Variants in NECTIN3 observed in about 807,000 individuals in gnomAD.
The protein encoded by NECTIN3 is nectin cell adhesion molecule 3.
A neutral mutation model predicts 49.4 loss-of-function variants in NECTIN3; 8 were observed. The observed-to-expected ratio is 0.16, with a 90% CI of 0.10 to 0.29. NECTIN3 has a LOEUF of 0.29. Among genes scored for constraint, NECTIN3 ranks in the 10% least tolerant of loss-of-function variants. The pLI is 1.00. For synonymous variants in NECTIN3, 277 were observed against 241.1 expected, an observed-to-expected ratio of 1.15 and a Z score of -1.38; for missense variants, 581 against 654.6, an observed-to-expected ratio of 0.89 and a Z score of 1.23.
chr3:111,136,806 TATAATG>T lies in NECTIN3; in HGVS notation c.*2593_*2598del. 2 of 942,298 alleles carry T rather than the reference TATAATG, an allele frequency of 2.1e-6. No individual in the cohort carries two copies. The highest frequency in any genetic ancestry group is 2.5e-6 in the Non-Finnish European group (2 of 790,998). The allele number at this position is 942,298 out of a possible 1,614,324, so 58.4% of individuals were successfully genotyped here. A position where few individuals can be genotyped will look rare whatever the true frequency, so the allele number is the denominator to read the frequency against. ...CATACTGGTTAAAATATTTCAATGA[TATAATG>T]AAGATGAATGCAACTCTTATTTTTC... On this transcript the variant is annotated 3_prime_UTR_variant, in exon 6 of 6. Coordinates refer to ENST00000485303, the MANE Select transcript of NECTIN3 (RefSeq NM_015480.3).
At chr3:111,116,902 T>C (rs1044910681) in intron 2 of NECTIN3, among the ~76,000 whole-genome samples, 1 of 151,974 alleles carries the variant, frequency 6.6e-6, no homozygotes, top group Non-Finnish European at 1.5e-5. Context: ...AGCTCTAAGA[T>C]TGGGAGTAAA....
Position 111,127,768 on chromosome 3 carries a change from A to G in NECTIN3, c.1069+1433A>G, listed in dbSNP as rs568087208. ...TTGTAGAGACAGGGGTGGTCTCTCT[A>G]TGTTGTCCAGGCTGGTCGTGAACTT... On this transcript the variant is annotated intron_variant, in intron 5 of 5. Transcript: ENST00000485303. Among the ~76,000 whole-genome samples, 12 of 151,808 alleles carry G rather than the reference A, an allele frequency of 7.9e-5. No individual in the cohort carries two copies. The East Asian group carries it at 1.6e-3, about 20-fold the overall frequency.
intron 1 of NECTIN3, 127 bp from the exon 2 acceptor site, chr3:111,111,903 G>GCA (rs1358095979): frequency 5.7e-3 from 12 of 2,088 alleles, no homozygotes; most frequent in South Asian, 0.071. Context: ...GTGTGCATGT[G>GCA]TGTGTGTGTG....
At chr3:111,145,386 A>G (rs894852367) in intron 6 of NECTIN3, among the ~76,000 whole-genome samples, 3 of 152,206 alleles carry the variant, frequency 2.0e-5, no homozygotes, top group Non-Finnish European at 4.4e-5. Flanking sequence ...ATATCTTTGA[A>G]GTTTTAATGG....
chr3:111,077,790 C>T (rs1285935986), intron 1 of NECTIN3, among the ~76,000 whole-genome samples: 2 of 151,908 alleles, frequency 1.3e-5, no homozygotes, highest in Admixed American at 6.6e-5. Context: ...ATTTGTATTC[C>T]CATGTGCTTG....
intron 1 of NECTIN3, among the ~76,000 whole-genome samples, chr3:111,104,501 G>T (rs779459690): frequency 6.6e-6 from 1 of 151,306 alleles, no homozygotes; most frequent in African/African-American, 2.4e-5. Context: ...TTTATTTTTC[G>T]TAGAGATGGG....
chr3:111,095,677 G>A (rs568807776), intron 1 of NECTIN3, among the ~76,000 whole-genome samples: 1 of 152,272 alleles, frequency 6.6e-6, no homozygotes, highest in East Asian at 1.9e-4. Context: ...TGAATCATGG[G>A]GGCAGGTCTT....
intron 7 of NECTIN3, among the ~76,000 whole-genome samples, chr3:111,182,340 G>A (rs1030890047): frequency 6.6e-6 from 1 of 152,052 alleles, no homozygotes; most frequent in Non-Finnish European, 1.5e-5. Context: ...TGTCACTTAG[G>A]TCAAGTTGGT....
At chr3:111,190,928 G>A (rs1281480468), upstream of NECTIN3, among the ~76,000 whole-genome samples, 10 of 152,162 alleles carry the variant, frequency 6.6e-5, no homozygotes, top group African/African-American at 2.2e-4. Flanking sequence ...AACTTTGACA[G>A]GCAATGTTGA....
chr3:111,107,048 T>C (rs539213477), intron 1 of NECTIN3, among the ~76,000 whole-genome samples: 1 of 152,284 alleles, frequency 6.6e-6, no homozygotes, highest in African/African-American at 2.4e-5. Context: ...AGAAAGGGAA[T>C]GGTTGCAATT....
intron 7 of NECTIN3, among the ~76,000 whole-genome samples, chr3:111,162,291 C>A (rs1360144105): frequency 6.6e-6 from 1 of 152,188 alleles, no homozygotes; most frequent in Non-Finnish European, 1.5e-5. Flanking sequence ...CAAATCTCAT[C>A]TTGAGTTGTA....
intron 7 of NECTIN3, among the ~76,000 whole-genome samples, chr3:111,164,157 G>A (rs1011844016): frequency 6.6e-6 from 1 of 151,964 alleles, no homozygotes; most frequent in Non-Finnish European, 1.5e-5. Flanking sequence ...TTAGCAAAAT[G>A]CCATAGTTTT....
At chr3:111,187,491 T>C (rs773194205), upstream of NECTIN3, among the ~76,000 whole-genome samples, 5 of 152,216 alleles carry the variant, frequency 3.3e-5, no homozygotes, top group South Asian at 6.2e-4. Context: ...TGAAAACTTA[T>C]GTTCATACAA....
chr3:111,164,709 A>G (rs183812311), intron 7 of NECTIN3, among the ~76,000 whole-genome samples: 3 of 152,168 alleles, frequency 2.0e-5, no homozygotes, highest in Admixed American at 2.0e-4. Flanking sequence ...CTATAACTAC[A>G]TTTTCTTTTT....
At chr3:111,189,765 G>A (rs2035781236), upstream of NECTIN3, among the ~76,000 whole-genome samples, 1 of 152,178 alleles carries the variant, frequency 6.6e-6, no homozygotes, top group South Asian at 2.1e-4. Flanking sequence ...AAAAATTAAG[G>A]CTGTCAAGAT....
intron 1 of NECTIN3, among the ~76,000 whole-genome samples, chr3:111,102,282 C>G (rs559480529): frequency 7.9e-5 from 12 of 152,182 alleles, no homozygotes; most frequent in Non-Finnish European, 1.6e-4. Flanking sequence ...AACTTTCCCA[C>G]TATCCACCCA....
At chr3:111,191,574 A>T (rs922101356), upstream of NECTIN3, among the ~76,000 whole-genome samples, 1 of 149,882 alleles carries the variant, frequency 6.7e-6, no homozygotes, top group Non-Finnish European at 1.5e-5. Flanking sequence ...TTGAAAATGA[A>T]CTCCCTTTGT....
chr3:111,107,083 C>T (rs1180800009), intron 1 of NECTIN3, among the ~76,000 whole-genome samples: 2 of 151,996 alleles, frequency 1.3e-5, no homozygotes, highest in African/African-American at 4.8e-5. Flanking sequence ...ATTTCAAACA[C>T]TTTTAGTGTG....
At chr3:111,109,426 T>C (rs2033360304) in intron 1 of NECTIN3, among the ~76,000 whole-genome samples, 1 of 152,126 alleles carries the variant, frequency 6.6e-6, no homozygotes, top group South Asian at 2.1e-4. Context: ...GTAATTAGTG[T>C]TATTTGACAA....
Sources: gnomAD v4.1 joint callset for allele counts (sites outside exome capture counted in the v4.1 genomes callset) on GRCh38, gnomAD v4.1.1 for gene constraint, MANE v1.5 for transcripts, NCBI Gene and HGNC (gene_info 2026-07-23, HGNC 2026-07-21) for gene names.